Variants in PTPRD observed in about 807,000 individuals in gnomAD.
PTPRD encodes the protein protein tyrosine phosphatase receptor type D.
PTPRD carries 34 observed loss-of-function variants against 214.5 expected under a neutral mutation model. The ratio of observed to expected loss-of-function variants is 0.16; its 90% CI spans 0.12 to 0.21. The LOEUF (loss-of-function observed/expected upper bound fraction) is 0.21, where lower values mean the gene tolerates loss of function less well. PTPRD is among the 10% of genes least tolerant of loss of function. PTPRD has a pLI of 1.00. For synonymous variants in PTPRD, 1,128 were observed against 845.7 expected, an observed-to-expected ratio of 1.33 and a Z score of -5.79; for missense variants, 2,545 against 2,398.7, an observed-to-expected ratio of 1.06 and a Z score of -1.27.
chr9:9,050,598 T>G (rs1446998661), intron 10 of PTPRD, among the ~76,000 whole-genome samples: 2 of 152,130 alleles, frequency 1.3e-5, no homozygotes, highest in African/African-American at 2.4e-5. Context: ...TTGTATACAT[T>G]TTAAATTGCA....
intron 11 of PTPRD, among the ~76,000 whole-genome samples, chr9:8,913,079 C>T (rs1208515807): frequency 6.6e-6 from 1 of 151,868 alleles, no homozygotes; most frequent in Non-Finnish European, 1.5e-5. Flanking sequence ...ATAATATCAC[C>T]TTTGTAATTC....
intron 20 of PTPRD, 95 bp from the exon 21 acceptor site, chr9:8,518,524 T>C: frequency 2.3e-6 from 2 of 883,762 alleles, no homozygotes; most frequent in South Asian, 1.9e-5. Flanking sequence ...CAGGATTATG[T>C]ATCTACTGAA....
intron 3 of PTPRD, among the ~76,000 whole-genome samples, chr9:10,166,666 G>C (rs982686188): frequency 6.6e-6 from 1 of 151,916 alleles, no homozygotes; most frequent in South Asian, 2.1e-4. Flanking sequence ...AACCACCTGG[G>C]AGTAAACAAA....
chr9:10,104,847 C>G (rs74351581), intron 3 of PTPRD, among the ~76,000 whole-genome samples: 3 of 151,828 alleles, frequency 2.0e-5, no homozygotes, highest in Non-Finnish European at 2.9e-5. Flanking sequence ...TTAGCATAGA[C>G]GATGATTTGC....
At chr9:9,466,400 A>G (rs1203134551) in intron 8 of PTPRD, among the ~76,000 whole-genome samples, 1 of 152,246 alleles carries the variant, frequency 6.6e-6, no homozygotes, top group East Asian at 1.9e-4. Context: ...ATCATATACT[A>G]TACAATTCAA....
At chr9:9,569,642 G>A (rs563731499) in intron 8 of PTPRD, among the ~76,000 whole-genome samples, 2 of 151,622 alleles carry the variant, frequency 1.3e-5, no homozygotes, top group South Asian at 2.1e-4. Context: ...ATATCAAAGA[G>A]GGAGCAAGAT....
intron 3 of PTPRD, among the ~76,000 whole-genome samples, chr9:10,083,446 T>A (rs1374069567): frequency 6.6e-6 from 1 of 152,060 alleles, no homozygotes; most frequent in East Asian, 1.9e-4. Context: ...GAAATAGATA[T>A]ACTTCTGAAT....
intron 8 of PTPRD, among the ~76,000 whole-genome samples, chr9:9,462,292 C>T (rs554110833): frequency 6.6e-6 from 1 of 152,136 alleles, no homozygotes; most frequent in East Asian, 1.9e-4. Flanking sequence ...TAATTTCTGG[C>T]AGTGAACTAT....
At chr9:8,319,495 A>T (rs959687696) in intron 45 of PTPRD, among the ~76,000 whole-genome samples, 12 of 151,804 alleles carry the variant, frequency 7.9e-5, no homozygotes, top group African/African-American at 2.9e-4. Context: ...TGTACTAAAT[A>T]TTATGCTTTC....
At chr9:9,575,196 T>G (rs1262469429) in intron 7 of PTPRD, among the ~76,000 whole-genome samples, 2 of 152,172 alleles carry the variant, frequency 1.3e-5, no homozygotes, top group African/African-American at 4.8e-5. Context: ...TATCATACCA[T>G]AATCGTACTT....
At chr9:8,876,673 G>A (rs1324417070) in intron 11 of PTPRD, among the ~76,000 whole-genome samples, 1 of 152,130 alleles carries the variant, frequency 6.6e-6, no homozygotes, top group Non-Finnish European at 1.5e-5. Context: ...AAATTTAATT[G>A]CAAAATAACT....
intron 10 of PTPRD, among the ~76,000 whole-genome samples, chr9:9,091,770 T>C (rs181245063): frequency 6.6e-5 from 10 of 152,304 alleles, no homozygotes; most frequent in Admixed American, 2.0e-4. Flanking sequence ...CTGTACTCCA[T>C]TGAAGAATTG....
At chr9:8,820,630 T>C (rs2097034314) in intron 11 of PTPRD, among the ~76,000 whole-genome samples, 1 of 152,122 alleles carries the variant, frequency 6.6e-6, no homozygotes, top group Admixed American at 6.5e-5. Context: ...TTTTCTAGCA[T>C]TTTATGCCTT....
intron 2 of PTPRD, among the ~76,000 whole-genome samples, chr9:10,369,291 C>T (rs1444744016): frequency 3.3e-5 from 5 of 152,068 alleles, no homozygotes. Flanking sequence ...ATTTTCTATT[C>T]AATTAGCACA....
At chr9:10,075,505 ATATTT>A (rs2098118345) in intron 3 of PTPRD, among the ~76,000 whole-genome samples, 1 of 151,936 alleles carries the variant, frequency 6.6e-6, no homozygotes, top group Non-Finnish European at 1.5e-5. Context: ...GAAATAAATA[ATATTT>A]TATATTAATC....
chr9:9,522,836 T>C (rs965857274), intron 8 of PTPRD, among the ~76,000 whole-genome samples: 1 of 152,154 alleles, frequency 6.6e-6, no homozygotes, highest in Non-Finnish European at 1.5e-5. Flanking sequence ...AATTATGAAT[T>C]GAGGGATTTC....
chr9:9,934,650 A>C (rs1177852974), intron 5 of PTPRD, among the ~76,000 whole-genome samples: 5 of 151,206 alleles, frequency 3.3e-5, no homozygotes, highest in Admixed American at 2.6e-4. Flanking sequence ...CAGAGGTACA[A>C]GGAGGAACTG....
chr9:8,763,508 G>A (rs1206912575), intron 11 of PTPRD, among the ~76,000 whole-genome samples: 2 of 151,446 alleles, frequency 1.3e-5, no homozygotes, highest in African/African-American at 4.9e-5. Context: ...GTGAGACTTG[G>A]TCTCAAAAAA....
intron 11 of PTPRD, among the ~76,000 whole-genome samples, chr9:8,831,297 A>T (rs1161286445): frequency 6.6e-6 from 1 of 152,170 alleles, no homozygotes; most frequent in African/African-American, 2.4e-5. Context: ...ATCCTAGGAG[A>T]ATGTCAAGAA....
Sources: gnomAD v4.1 joint callset for allele counts (sites outside exome capture counted in the v4.1 genomes callset) on GRCh38, gnomAD v4.1.1 for gene constraint, MANE v1.5 for transcripts, NCBI Gene and HGNC (gene_info 2026-07-23, HGNC 2026-07-21) for gene names.